Variants in RARB observed in about 807,000 individuals in gnomAD.
The protein encoded by RARB is retinoic acid receptor beta.
A neutral mutation model predicts 51.9 loss-of-function variants in RARB; 17 were observed. The observed-to-expected ratio is 0.33, with a 90% CI of 0.22 to 0.49. The LOEUF is 0.49. RARB is among the 20% of genes least tolerant of loss of function. The pLI is 0.99. For missense variants in RARB, 369 were observed against 550.8 expected (o/e 0.67, Z 3.30); for synonymous variants, 215 against 195.4 (o/e 1.10, Z -0.84).
intron 5 of RARB, among the ~76,000 whole-genome samples, chr3:25,320,746 C>T (rs969822684): frequency 2.0e-5 from 3 of 152,068 alleles, no homozygotes; most frequent in African/African-American, 4.8e-5. Flanking sequence ...TTTGTGAAAC[C>T]TGGGGTTTAC....
chr3:24,842,774 T>A (rs1448688530), intron 1 of RARB, among the ~76,000 whole-genome samples: 4 of 152,238 alleles, frequency 2.6e-5, no homozygotes, highest in Non-Finnish European at 5.9e-5. Flanking sequence ...GATATATCAC[T>A]CTTTATTTTG....
intron 2 of RARB, among the ~76,000 whole-genome samples, chr3:24,919,318 T>G (rs919647158): frequency 6.6e-6 from 1 of 152,234 alleles, no homozygotes; most frequent in Non-Finnish European, 1.5e-5. Context: ...GCTGCCTCTT[T>G]ACGTATGTGA....
chr3:25,044,774 ACTT>A (rs1194641599), intron 2 of RARB, among the ~76,000 whole-genome samples: 5 of 152,218 alleles, frequency 3.3e-5, no homozygotes, highest in African/African-American at 1.2e-4. Context: ...ACCAAATAGA[ACTT>A]CTTCCTAGCA....
intron 5 of RARB, among the ~76,000 whole-genome samples, chr3:25,215,400 A>G (rs1701807938): frequency 6.6e-6 from 1 of 152,208 alleles, no homozygotes; most frequent in African/African-American, 2.4e-5. Flanking sequence ...GAAATGTTAA[A>G]TGGAAAAGAC....
At chr3:25,365,369 C>T (rs1009176854) in intron 5 of RARB, among the ~76,000 whole-genome samples, 1 of 151,922 alleles carries the variant, frequency 6.6e-6, no homozygotes. Flanking sequence ...GCCTCGGCCT[C>T]TCAAAGTACT....
At chr3:25,194,990 T>C (rs1270114410) in intron 5 of RARB, among the ~76,000 whole-genome samples, 2 of 152,002 alleles carry the variant, frequency 1.3e-5, no homozygotes, top group Admixed American at 6.6e-5. Context: ...TGCTTTCTTA[T>C]ACCTCCAATG....
At chr3:25,152,780 G>A (rs901896362) in intron 4 of RARB, among the ~76,000 whole-genome samples, 12 of 152,130 alleles carry the variant, frequency 7.9e-5, no homozygotes, top group African/African-American at 2.2e-4. Flanking sequence ...TTATGGGAGT[G>A]TATTAAAATC....
At position 24,861,549 on chromosome 3, in the gene RARB, T is replaced by G. The variant is rs538868059; in HGVS notation, c.-380+2797T>G. 1.3e-3 allele frequency among the ~76,000 whole-genome samples: 190 copies of G among 151,524 alleles called. 2 individuals are homozygous for G. Among genetic ancestry groups the G allele is most frequent in the Admixed American group, 3.5e-3 (53 of 15,194 alleles). On this transcript the variant is annotated intron_variant, in intron 2 of 11. Coordinates refer to the RARB transcript ENST00000383772. ...GAACTAAGAGAATGATTTACTGATTTATTAAAATAATAAACTTATCCTTGT... is the reference window on the plus strand; with the variant it reads ...GAACTAAGAGAATGATTTACTGATTGATTAAAATAATAAACTTATCCTTGT...
intron 1 of RARB, among the ~76,000 whole-genome samples, chr3:25,446,248 A>G (rs1708925720): frequency 6.6e-6 from 1 of 152,368 alleles, no homozygotes; most frequent in East Asian, 1.9e-4. Context: ...CATGAATTTT[A>G]TAGTAACATG....
chr3:24,977,739 CTT>C (rs1423688467), intron 2 of RARB, among the ~76,000 whole-genome samples: 1 of 152,146 alleles, frequency 6.6e-6, no homozygotes, highest in Non-Finnish European at 1.5e-5. Flanking sequence ...ATCGAATACT[CTT>C]TATTTCTTTC....
intron 2 of RARB, among the ~76,000 whole-genome samples, chr3:24,955,072 T>A: frequency 6.6e-6 from 1 of 152,136 alleles, no homozygotes; most frequent in East Asian, 1.9e-4. Context: ...TTTTTGGCAG[T>A]CAGGACAAAT....
chr3:25,481,353 T>G (rs1696213557), intron 2 of RARB, among the ~76,000 whole-genome samples: 1 of 152,228 alleles, frequency 6.6e-6, no homozygotes, highest in Non-Finnish European at 1.5e-5. Context: ...ACCTCTGCCT[T>G]AAATGCCAGG....
intron 5 of RARB, among the ~76,000 whole-genome samples, chr3:25,184,467 T>G (rs552726147): frequency 1.3e-5 from 2 of 152,082 alleles, no homozygotes; most frequent in African/African-American, 2.4e-5. Flanking sequence ...AACTAATCAT[T>G]AGGAAAGGTT....
intron 5 of RARB, among the ~76,000 whole-genome samples, chr3:25,200,797 C>G (rs1364895092): frequency 2.0e-5 from 3 of 152,066 alleles, no homozygotes; most frequent in African/African-American, 7.3e-5. Flanking sequence ...TTCCATTGAT[C>G]TATATCTCTG....
chr3:25,147,927 G>A (rs1165730041), intron 4 of RARB, among the ~76,000 whole-genome samples: 2 of 152,152 alleles, frequency 1.3e-5, no homozygotes, highest in Non-Finnish European at 2.9e-5. Flanking sequence ...CTGTAATTGT[G>A]AGGCAAAAAG....
intron 1 of RARB, among the ~76,000 whole-genome samples, chr3:25,438,792 G>T (rs1223795786): frequency 6.6e-6 from 1 of 152,090 alleles, no homozygotes; most frequent in African/African-American, 2.4e-5. Flanking sequence ...AAACACCATC[G>T]AGTGTTTTGG....
At chr3:25,086,915 A>G (rs953514276) in intron 3 of RARB, among the ~76,000 whole-genome samples, 4 of 152,178 alleles carry the variant, frequency 2.6e-5, no homozygotes, top group Non-Finnish European at 5.9e-5. Context: ...TATCAGACTT[A>G]GAAAGGTGCC....
chr3:24,961,897 C>A (rs759964471), intron 2 of RARB, among the ~76,000 whole-genome samples: 2 of 147,778 alleles, frequency 1.4e-5, no homozygotes, highest in Admixed American at 6.7e-5. Flanking sequence ...GCCATACAAA[C>A]CTTAGTGTTC....
At chr3:25,569,663 G>A in intron 3 of RARB, 95 bp from the exon 4 acceptor site, 2 of 1,374,314 alleles carry the variant, frequency 1.5e-6, no homozygotes, top group East Asian at 2.3e-5. Flanking sequence ...AATATCAAAT[G>A]AGCTTAAGGC....
Sources: allele counts gnomAD v4.1 joint callset (sites outside exome capture counted in the v4.1 genomes callset), GRCh38; gene constraint gnomAD v4.1.1; transcripts MANE v1.5; gene names NCBI Gene and HGNC (gene_info 2026-07-23, HGNC 2026-07-21).